Variants in SV2C observed in about 807,000 individuals in gnomAD.
SV2C encodes solute carrier family 22 member B3.
Under a neutral mutation model 79.7 loss-of-function variants are expected in SV2C, and 49 were observed. The ratio of observed to expected loss-of-function variants is 0.61; its 90% CI spans 0.49 to 0.78. The LOEUF (loss-of-function observed/expected upper bound fraction) is 0.78. Among genes scored for constraint, SV2C ranks in the 30% least tolerant of loss-of-function variants. The pLI is 0.00. For missense variants in SV2C, 833 were observed against 912.9 expected (o/e 0.91, Z 1.13); for synonymous variants, 334 against 333.2 (o/e 1.00, Z -0.03).
At chr5:75,847,620 T>C in the SV2C span, among the ~76,000 whole-genome samples, 1 of 152,226 alleles carries the variant, frequency 6.6e-6, no homozygotes, top group Non-Finnish European at 1.5e-5. Context: ...GTTCTGTTGA[T>C]GTAGGAATAG....
the SV2C span, among the ~76,000 whole-genome samples, chr5:76,028,799 G>T: frequency 2.0e-5 from 3 of 152,170 alleles, no homozygotes; most frequent in East Asian, 5.8e-4. Context: ...CAGCATCATG[G>T]CCTCTACCCA....
At chr5:75,982,270 A>G in the SV2C span, among the ~76,000 whole-genome samples, 16 of 152,266 alleles carry the variant, frequency 1.1e-4, no homozygotes, top group East Asian at 1.9e-4. Flanking sequence ...GTTTTGCAAG[A>G]AAAAAACCCA....
At chr5:76,341,374 T>G (rs1201871547) in intron 12 of SV2C, among the ~76,000 whole-genome samples, 1 of 146,174 alleles carries the variant, frequency 6.8e-6, no homozygotes, top group Non-Finnish European at 1.5e-5. Flanking sequence ...ACAAGAAACA[T>G]GAAACAAAAA....
the SV2C span, chr5:75,921,668 A>C: frequency 1.6e-6 from 1 of 638,576 alleles, no homozygotes; most frequent in Non-Finnish European, 2.9e-6. Flanking sequence ...GCCCCCTTTT[A>C]TCTGTTGGTA....
At chr5:76,145,375 T>C (rs1213104380) in intron 2 of SV2C, among the ~76,000 whole-genome samples, 2 of 152,210 alleles carry the variant, frequency 1.3e-5, no homozygotes, top group Non-Finnish European at 2.9e-5. Context: ...AATATTTCTG[T>C]AGTGCTTGAA....
At chr5:76,166,693 G>T (rs12189418) in intron 2 of SV2C, among the ~76,000 whole-genome samples, 68,373 of 151,944 alleles carry the variant, frequency 0.45, 15,713 homozygotes, top group South Asian at 0.52. Flanking sequence ...TCCAGTTTCT[G>T]AATGCAGCTA....
the SV2C span, among the ~76,000 whole-genome samples, chr5:75,869,616 G>A: frequency 6.6e-6 from 1 of 152,180 alleles, no homozygotes; most frequent in Non-Finnish European, 1.5e-5. Context: ...GGCCTGGCTG[G>A]CTTTGTCACC....
chr5:75,847,744 C>A, the SV2C span, among the ~76,000 whole-genome samples: 5 of 152,110 alleles, frequency 3.3e-5, no homozygotes, highest in Non-Finnish European at 5.9e-5. Flanking sequence ...TTTCTGTTCC[C>A]AACCCCCAGA....
At chr5:76,173,799 C>G in intron 2 of SV2C, 2 of 1,604,108 alleles carry the variant, frequency 1.2e-6, no homozygotes, top group East Asian at 2.2e-5. Flanking sequence ...TGACCTTGTT[C>G]CTTCCCTACA....
chr5:76,051,313 A>C, the SV2C span, among the ~76,000 whole-genome samples: 1 of 152,202 alleles, frequency 6.6e-6, no homozygotes, highest in Non-Finnish European at 1.5e-5. Context: ...GAAGATGGAC[A>C]CAGTAACTGT....
At chr5:76,154,808 G>A (rs937833818) in intron 2 of SV2C, among the ~76,000 whole-genome samples, 6 of 152,118 alleles carry the variant, frequency 3.9e-5, no homozygotes, top group East Asian at 1.9e-4. Flanking sequence ...TTAAGGATGC[G>A]TCCAGAGAAA....
the SV2C span, among the ~76,000 whole-genome samples, chr5:75,864,845 C>T: frequency 6.6e-6 from 1 of 152,218 alleles, no homozygotes; most frequent in South Asian, 2.1e-4. Flanking sequence ...AGAAAAAATT[C>T]TCCAGCACAT....
chr5:76,219,224 G>A (rs765723990), intron 4 of SV2C, among the ~76,000 whole-genome samples: 11 of 152,182 alleles, frequency 7.2e-5, no homozygotes, highest in Non-Finnish European at 1.3e-4. Context: ...AGAGTAAGAC[G>A]TGACAGAGGG....
the SV2C span, among the ~76,000 whole-genome samples, chr5:76,035,697 T>A: frequency 6.6e-6 from 1 of 152,292 alleles, no homozygotes; most frequent in African/African-American, 2.4e-5. Context: ...AGGTGTGGTG[T>A]GGTGCTGAAA....
rs563706030 is a variant in SV2C at position 76,108,096 on chromosome 5, T to C, written c.-101-23554T>C. On this transcript the variant is annotated intron_variant, in intron 1 of 12. Coordinates refer to ENST00000502798, the MANE Select transcript of SV2C (RefSeq NM_014979.4). Reference sequence around the variant, plus strand: ...TTTTTCAGGATACTTTTTTGGATGTTGGTCTACATGGAGCATAGGGCACCT... The same window carrying C: ...TTTTTCAGGATACTTTTTTGGATGTCGGTCTACATGGAGCATAGGGCACCT... Among the ~76,000 whole-genome samples, 15 of 152,350 alleles carry C rather than the reference T, an allele frequency of 9.8e-5. No individual in the cohort carries two copies. The South Asian group carries it at 2.1e-3, about 21-fold the overall frequency.
chr5:76,075,906 G>A, the SV2C span: 1 of 222,610 alleles, frequency 4.5e-6, no homozygotes, highest in South Asian at 8.5e-5. Context: ...CTTCTCTCAG[G>A]GCACATGAGA....
the SV2C span, among the ~76,000 whole-genome samples, chr5:75,903,381 A>ATTTT: frequency 2.9e-4 from 42 of 142,812 alleles, no homozygotes; most frequent in African/African-American, 1.0e-3. Context: ...TTTTTTTTAA[A>ATTTT]AAAAAAAGAA....
chr5:75,903,556 C>A, the SV2C span, among the ~76,000 whole-genome samples: 1 of 152,172 alleles, frequency 6.6e-6, no homozygotes, highest in African/African-American at 2.4e-5. Flanking sequence ...CAGCATCCTG[C>A]ATATTAACCT....
At chr5:75,972,653 C>T in the SV2C span, among the ~76,000 whole-genome samples, 7 of 151,976 alleles carry the variant, frequency 4.6e-5, no homozygotes, top group Non-Finnish European at 8.8e-5. Context: ...GTTAGAATGG[C>T]GATCATTAAA....
Sources: allele counts gnomAD v4.1 joint callset (sites outside exome capture counted in the v4.1 genomes callset), GRCh38; gene constraint gnomAD v4.1.1; transcripts MANE v1.5; gene names NCBI Gene and HGNC (gene_info 2026-07-23, HGNC 2026-07-21).